Variants in ARHGEF6 observed in about 807,000 individuals in gnomAD.
The protein encoded by ARHGEF6 is rho guanine nucleotide exchange factor 6.
A neutral mutation model predicts 70.3 loss-of-function variants in ARHGEF6; 9 were observed. That is an observed-to-expected ratio of 0.13 (90% CI 0.08 to 0.22). The LOEUF is 0.22. Among genes scored for constraint, ARHGEF6 ranks in the 10% least tolerant of loss-of-function variants. The pLI is 1.00. For missense variants in ARHGEF6, 470 were observed against 563.0 expected, an observed-to-expected ratio of 0.83 and a Z score of 1.67; for synonymous variants, 201 against 207.8, an observed-to-expected ratio of 0.97 and a Z score of 0.28.
intron 6 of ARHGEF6, among the ~76,000 whole-genome samples, chrX:136,727,329 CTTTCTTTCTTTCTTTCTTTCTTTCTT>C: frequency 3.4e-5 from 1 of 29,325 alleles, no homozygotes; most frequent in Admixed American, 3.0e-4. Context: ...CTTTCTTTTT[CTTTCTTTCTTTCTTTCTTTCTTTCTT>C]TCTTTCTTTC....
chrX:136,677,034 C>T (rs1194450523), intron 17 of ARHGEF6, among the ~76,000 whole-genome samples: 2 of 112,304 alleles, frequency 1.8e-5, no homozygotes, highest in African/African-American at 6.5e-5. Flanking sequence ...TAAGGGATGT[C>T]AACCCTAAAA....
At chrX:136,694,206 C>T (rs956601331) in intron 9 of ARHGEF6, among the ~76,000 whole-genome samples, 1 of 111,090 alleles carries the variant, frequency 9.0e-6, no homozygotes, top group Non-Finnish European at 1.9e-5. Flanking sequence ...ACGCACACCA[C>T]CACATCCGGC....
intron 2 of ARHGEF6, among the ~76,000 whole-genome samples, chrX:136,759,378 AC>A (rs1168028726): frequency 1.8e-5 from 2 of 111,552 alleles, no homozygotes; most frequent in East Asian, 5.6e-4. Flanking sequence ...GGTGGCTCAC[AC>A]CTGTAATCCC....
At chrX:136,678,055 T>C (rs2076297599) in intron 16 of ARHGEF6, 99 bp from the exon 17 acceptor site, 1 of 752,678 alleles carries the variant, frequency 1.3e-6, no homozygotes. Context: ...ACATTTGAAA[T>C]GTTAGTGTTA....
intron 12 of ARHGEF6, among the ~76,000 whole-genome samples, chrX:136,685,262 T>C (rs1482971630): frequency 8.9e-6 from 1 of 111,807 alleles, no homozygotes; most frequent in Non-Finnish European, 1.9e-5. Flanking sequence ...TGTGAACTTC[T>C]ATGGACTCTT....
chrX:136,765,540 AG>A, intron 2 of ARHGEF6, among the ~76,000 whole-genome samples: 1 of 112,475 alleles, frequency 8.9e-6, no homozygotes, highest in South Asian at 3.7e-4. Flanking sequence ...CTTACCCCTA[AG>A]AACAGCGCCA....
At chrX:136,711,369 G>C (rs2076682797) in intron 7 of ARHGEF6, among the ~76,000 whole-genome samples, 1 of 110,914 alleles carries the variant, frequency 9.0e-6, no homozygotes, top group South Asian at 3.8e-4. Context: ...GCCTGGCCAT[G>C]TACTGGCTGT....
intron 2 of ARHGEF6, chrX:136,767,714 T>A (rs752153350): frequency 1.3e-6 from 1 of 753,309 alleles, no homozygotes; most frequent in South Asian, 6.8e-5. Context: ...GGTCCCCTCC[T>A]GCCCGCAGCC....
chrX:136,736,308 C>T (rs866375499), intron 5 of ARHGEF6, among the ~76,000 whole-genome samples: 3 of 112,155 alleles, frequency 2.7e-5, no homozygotes, highest in South Asian at 7.3e-4. Context: ...CTAATTTTCT[C>T]ATTTATAATG....
At chrX:136,689,928 A>G (rs2076441731) in intron 10 of ARHGEF6, among the ~76,000 whole-genome samples, 1 of 111,764 alleles carries the variant, frequency 8.9e-6, no homozygotes, top group African/African-American at 3.3e-5. Flanking sequence ...TGGTGAAAAA[A>G]TATTCAATTA....
intron 6 of ARHGEF6, among the ~76,000 whole-genome samples, chrX:136,727,098 C>T (rs2076860682): frequency 8.9e-6 from 1 of 111,928 alleles, no homozygotes; most frequent in African/African-American, 3.3e-5. Context: ...CGACCTTCCT[C>T]CAAGATTTGC....
At chrX:136,692,827 CATT>C (rs955603946) in intron 9 of ARHGEF6, among the ~76,000 whole-genome samples, 6 of 111,122 alleles carry the variant, frequency 5.4e-5, no homozygotes, top group South Asian at 7.6e-4. Context: ...TCAGTGGATG[CATT>C]ATTATTATTA....
At chrX:136,677,912 C>T (rs1227147100) in intron 17 of ARHGEF6, 24 bp downstream of exon 17, 3 of 1,173,756 alleles carry the variant, frequency 2.6e-6, no homozygotes, top group Non-Finnish European at 3.5e-6. Flanking sequence ...TCACTGTAAG[C>T]CAAAGATATT....
chrX:136,697,192 G>A (rs1233677170), intron 9 of ARHGEF6, among the ~76,000 whole-genome samples: 1 of 111,801 alleles, frequency 8.9e-6, no homozygotes, highest in Non-Finnish European at 1.9e-5. Flanking sequence ...TCTCCATGAA[G>A]AAATTGGTTT....
At position 136,687,903 on chromosome X, in the gene ARHGEF6, G is replaced by A; in HGVS notation, c.1245+29C>T. On this transcript the variant is annotated intron_variant, in intron 11 of 21. Transcript: ENST00000250617. ...TTTCAGGAATAAAGTATACAAAATGGAGAATTGTGATTTTAAAGCATCACC... is the reference window on the plus strand; with the variant it reads ...TTTCAGGAATAAAGTATACAAAATGAAGAATTGTGATTTTAAAGCATCACC... The A allele has an allele frequency of 4.3e-6, 5 of 1,163,134 alleles. No homozygotes were observed. In the Middle Eastern group the frequency reaches 7.2e-4, roughly 166 times the overall value.
intron 6 of ARHGEF6, among the ~76,000 whole-genome samples, chrX:136,723,655 G>A (rs1049881575): frequency 1.8e-5 from 2 of 111,849 alleles, no homozygotes; most frequent in Non-Finnish European, 3.8e-5. Context: ...CAGGGGGAGT[G>A]GCTCATGCCT....
At position 136,685,678 on chromosome X, in the gene ARHGEF6, T is replaced by C; in HGVS notation, c.1391A>G (p.Glu464Gly). The change falls in exon 12 of 22, where the codon GAG (glutamate) becomes GGG (glycine). Residue 464 changes from glutamate (E) to glycine (G), a missense_variant and splice_region_variant. Physicochemically the swap from Glu to Gly is moderately conservative, Grantham distance 98 (BLOSUM62 -2). Coordinates refer to ENST00000250617, the MANE Select transcript of ARHGEF6 (RefSeq NM_004840.3). The stretch of plus-strand genomic sequence containing the variant: ...ATGTTGAGATTTGAAATACCTTACC[T>C]CACATGCTCCATACTGCACCATTAC... ...SQVMVQYGAC[E>G]EKEERYLMLF... 1 of 1,200,582 alleles carries C rather than the reference T, an allele frequency of 8.3e-7. No homozygotes were observed. Among genetic ancestry groups the C allele is most frequent in the Non-Finnish European group, 1.1e-6 (1 of 887,660 alleles).
chrX:136,779,361 T>A (rs1408003653), intron 2 of ARHGEF6, 53 bp downstream of exon 2: 7 of 1,065,523 alleles, frequency 6.6e-6, no homozygotes, highest in Non-Finnish European at 9.2e-6. Context: ...CCAATCTTGA[T>A]TAGCAGAGCA....
chrX:136,704,177 G>A lies in ARHGEF6; in HGVS notation c.1046+2731C>T, dbSNP rs371351536. On this transcript the variant is annotated intron_variant, in intron 9 of 21. Coordinates refer to ENST00000250617, the MANE Select transcript of ARHGEF6 (RefSeq NM_004840.3). ...GCCAATAAGCAAGATGAAAAGATGC[G>A]CAACATCACTAGCCATTAATAATGA... is the stretch of plus-strand genomic sequence containing the variant. Among the ~76,000 whole-genome samples the A allele has an allele frequency of 1.1e-4, 12 of 112,209 alleles. No homozygotes were observed. In the South Asian group the frequency reaches 1.1e-3, roughly 10 times the overall value.
Sources: allele counts gnomAD v4.1 joint callset (sites outside exome capture counted in the v4.1 genomes callset), GRCh38; gene constraint gnomAD v4.1.1; transcripts MANE v1.5; gene names NCBI Gene and HGNC (gene_info 2026-07-23, HGNC 2026-07-21).